Variants in NOS2 observed in about 807,000 individuals in gnomAD.
NOS2 encodes the protein nitric oxide synthase, inducible.
NOS2 carries 96 observed loss-of-function variants against 136.0 expected under a neutral mutation model. The observed-to-expected ratio is 0.71, with a 90% confidence interval of 0.60 to 0.84. The LOEUF is 0.84. Ranked by LOEUF, NOS2 falls within the 40% of genes least tolerant of loss-of-function variation. NOS2 has a pLI of 0.00. For missense variants in NOS2, 1,237 were observed against 1,496.9 expected, an observed-to-expected ratio of 0.83 and a Z score of 2.87; for synonymous variants, 539 against 587.5, an observed-to-expected ratio of 0.92 and a Z score of 1.20.
At chr17:27,766,623 T>C in intron 18 of NOS2, 35 bp from the exon 19 acceptor site, 1 of 1,581,556 alleles carries the variant, frequency 6.3e-7, no homozygotes, top group Non-Finnish European at 8.7e-7. Context: ...AATGGCAAAG[T>C]GGTTCTTGAG....
chr17:27,774,600 G>A, intron 11 of NOS2, 149 bp from the exon 12 acceptor site: 1 of 486,078 alleles, frequency 2.1e-6, no homozygotes, highest in East Asian at 3.5e-5. Context: ...CTTGCCTGCT[G>A]AAAATAAACA....
At chr17:27,758,034 C>T (rs543137189) in intron 26 of NOS2, among the ~76,000 whole-genome samples, 1 of 152,308 alleles carries the variant, frequency 6.6e-6, no homozygotes, top group African/African-American at 2.4e-5. Flanking sequence ...ATTACACTCC[C>T]CAGCGTTCCC....
intron 21 of NOS2, 114 bp from the exon 22 acceptor site, chr17:27,763,119 T>A: frequency 1.4e-6 from 1 of 716,544 alleles, no homozygotes; most frequent in Non-Finnish European, 2.3e-6. Context: ...CAAGTCCATG[T>A]GCCAGGCACT....
At chr17:27,766,078 C>A (rs1389263008) in intron 19 of NOS2, among the ~76,000 whole-genome samples, 2 of 152,228 alleles carry the variant, frequency 1.3e-5, no homozygotes, top group Non-Finnish European at 2.9e-5. Flanking sequence ...GAACCAAGGC[C>A]AGTTTTCCTA....
At chr17:27,774,542 G>C in intron 11 of NOS2, 91 bp from the exon 12 acceptor site, 2 of 965,710 alleles carry the variant, frequency 2.1e-6, no homozygotes, top group African/African-American at 1.7e-5. Flanking sequence ...AGAGTGCCTG[G>C]GAAGGCCTGG....
intron 15 of NOS2, among the ~76,000 whole-genome samples, chr17:27,770,133 T>A (rs1428928670): frequency 6.6e-6 from 1 of 152,254 alleles, no homozygotes; most frequent in Admixed American, 6.5e-5. Context: ...GACAGTCTCA[T>A]ATTGGTGCTA....
chr17:27,766,130 A>G (rs1301868673), intron 19 of NOS2, among the ~76,000 whole-genome samples: 1 of 152,250 alleles, frequency 6.6e-6, no homozygotes, highest in Admixed American at 6.5e-5. Context: ...AAACCTGCAG[A>G]TAATCCACAA....
intron 2 of NOS2, among the ~76,000 whole-genome samples, chr17:27,791,782 C>CAAAAAAAAACAAA (rs1306140301): frequency 8.3e-6 from 1 of 120,734 alleles, no homozygotes; most frequent in Admixed American, 8.3e-5. Flanking sequence ...AAAAACAAAA[C>CAAAAAAAAACAAA]AAAACAAAAC....
chr17:27,769,115 A>C lies in NOS2; in HGVS notation c.1896T>G (p.Pro632=). The C allele has an allele frequency of 1.2e-6, 2 of 1,612,676 alleles. No individual in the cohort carries two copies. Among genetic ancestry groups the C allele is most frequent in the Non-Finnish European group, 1.7e-6 (2 of 1,179,816 alleles). Residue 632 remains proline, a synonymous_variant, in exon 17 of 27, where the codon CCT becomes CCG. Transcript: ENST00000313735. ...TGTCATGAGCAAAGGCGCAGAACCG[A>C]GGGTACATGCTGGAGCCGAGGCCAA... ...AVFGLGSSMY[P]RFCAFAHDID... is the part of the protein sequence containing the mutation.
intron 12 of NOS2, among the ~76,000 whole-genome samples, chr17:27,773,766 C>T (rs1170050833): frequency 6.6e-6 from 1 of 152,230 alleles, no homozygotes; most frequent in African/African-American, 2.4e-5. Flanking sequence ...TTACTGAATG[C>T]ATTCTGCATT....
chr17:27,772,623 C>A (rs531423529), intron 13 of NOS2, among the ~76,000 whole-genome samples, 171 bp from the exon 14 acceptor site: 1 of 152,194 alleles, frequency 6.6e-6, no homozygotes, highest in Non-Finnish European at 1.5e-5. Context: ...TTTTCCTCCC[C>A]TCACCCACTA....
chr17:27,772,171 T>C, intron 14 of NOS2, 137 bp downstream of exon 14: 1 of 971,042 alleles, frequency 1.0e-6, no homozygotes, highest in Non-Finnish European at 1.5e-6. Flanking sequence ...AAGTCTTTCC[T>C]TCTCTTCCAG....
At chr17:27,781,224 G>A (rs1466794120) in intron 7 of NOS2, 47 bp from the exon 8 acceptor site, 1 of 1,565,408 alleles carries the variant, frequency 6.4e-7, no homozygotes, top group Non-Finnish European at 8.6e-7. Context: ...CCCTGGTGGG[G>A]GCCCAGCCAT....
At chr17:27,787,350 C>A (rs555478779) in intron 5 of NOS2, among the ~76,000 whole-genome samples, 1 of 152,260 alleles carries the variant, frequency 6.6e-6, no homozygotes, top group Admixed American at 6.5e-5. Flanking sequence ...TGTTATTATC[C>A]CCATTTTATA....
rs939653265 is a variant in NOS2 at position 27,789,007 on chromosome 17, A to T, written c.196-76T>A. 5.1e-6 allele frequency: 8 copies of T among 1,554,446 alleles called. No homozygotes were observed. In the South Asian group the frequency reaches 7.2e-5, roughly 14 times the overall value. Reference sequence around the variant, plus strand: ...GCCCTGCCTTGTCTTAGAGTGGGGAAGGATCTATGGGTGGCCACACAGGGC... The same window carrying T: ...GCCCTGCCTTGTCTTAGAGTGGGGATGGATCTATGGGTGGCCACACAGGGC... On this transcript the variant is annotated intron_variant, in intron 3 of 26. Transcript: ENST00000313735.
At chr17:27,778,068 G>A (rs1297271329) in intron 11 of NOS2, among the ~76,000 whole-genome samples, 3 of 151,796 alleles carry the variant, frequency 2.0e-5, no homozygotes, top group Non-Finnish European at 2.9e-5. Flanking sequence ...GAAGAAAGTC[G>A]ATGTCCTATA....
At chr17:27,794,840 T>C (rs1375625629) in intron 2 of NOS2, among the ~76,000 whole-genome samples, 2 of 151,930 alleles carry the variant, frequency 1.3e-5, no homozygotes, top group Non-Finnish European at 2.9e-5. Context: ...GATTAGAAAA[T>C]TACTTTTTAA....
intron 2 of NOS2, among the ~76,000 whole-genome samples, 177 bp downstream of exon 2, chr17:27,798,523 G>A (rs191064267): frequency 6.4e-4 from 98 of 152,288 alleles, no homozygotes; most frequent in Non-Finnish European, 1.2e-3. Flanking sequence ...CAGGCACAGC[G>A]AGGTGCCCAA....
At chr17:27,770,113 G>T (rs1391749436) in intron 15 of NOS2, among the ~76,000 whole-genome samples, 5 of 152,160 alleles carry the variant, frequency 3.3e-5, no homozygotes, top group Non-Finnish European at 7.3e-5. Context: ...ATTCTTCGGA[G>T]CACTGGAGAG....
Sources: gnomAD v4.1 joint callset for allele counts (sites outside exome capture counted in the v4.1 genomes callset) on GRCh38, gnomAD v4.1.1 for gene constraint, MANE v1.5 for transcripts, NCBI Gene and HGNC (gene_info 2026-07-23, HGNC 2026-07-21) for gene names.